MCF2L: variants seen among roughly 807,000 people sequenced by gnomAD.
MCF2L encodes guanine nucleotide exchange factor DBS.
A neutral mutation model predicts 153.4 loss-of-function variants in MCF2L; 97 were observed. The ratio of observed to expected loss-of-function variants is 0.63; its 90% CI spans 0.54 to 0.75. MCF2L has a LOEUF of 0.75. MCF2L is among the 30% of genes least tolerant of loss of function. MCF2L has a pLI of 0.00. For synonymous variants in MCF2L, 659 were observed against 632.2 expected (o/e 1.04, Z -0.64); for missense variants, 1,347 against 1,495.2 (o/e 0.90, Z 1.64).
chr13:113,086,109 C>T lies in MCF2L; in HGVS notation c.2248-15C>T. ...TCCGTGTCCCGACGCGGTTGCCTCA[C>T]CCCATGCCCCTCAGGAAATGCTGAA... On this transcript the variant is annotated splice_polypyrimidine_tract_variant and intron_variant, in intron 20 of 29. Coordinates refer to ENST00000535094, the MANE Select transcript of MCF2L (RefSeq NM_001112732.3). 6.2e-7 allele frequency: 1 copy of T among 1,601,864 alleles called. No individual in the cohort carries two copies. The highest frequency in any genetic ancestry group is 8.5e-7 in the Non-Finnish European group (1 of 1,174,018).
At chr13:113,006,471 G>A (rs1012817313) in intron 1 of MCF2L, among the ~76,000 whole-genome samples, 6 of 152,296 alleles carry the variant, frequency 3.9e-5, no homozygotes, top group Non-Finnish European at 8.8e-5. Context: ...TCTGAACCCC[G>A]AGGGGGTCTC....
At chr13:112,954,495 C>T (rs1167481221) in intron 2 of MCF2L, among the ~76,000 whole-genome samples, 1 of 152,242 alleles carries the variant, frequency 6.6e-6, no homozygotes, top group Non-Finnish European at 1.5e-5. Flanking sequence ...TTTAACTTCA[C>T]TATCCCTTGG....
At chr13:112,998,699 C>T (rs968463326) in intron 1 of MCF2L, among the ~76,000 whole-genome samples, 3 of 152,196 alleles carry the variant, frequency 2.0e-5, no homozygotes, top group Non-Finnish European at 4.4e-5. Context: ...TCGATTCTGT[C>T]TTGCGCCGAT....
chr13:113,078,281 G>A (rs990409559), intron 13 of MCF2L, 82 bp from the exon 14 acceptor site: 18 of 1,142,560 alleles, frequency 1.6e-5, no homozygotes, highest in East Asian at 7.4e-5. Flanking sequence ...CCCTCTCCTC[G>A]GGGCCTTTTC....
intron 2 of MCF2L, among the ~76,000 whole-genome samples, chr13:112,927,917 CA>C: frequency 6.6e-6 from 1 of 152,328 alleles, no homozygotes; most frequent in East Asian, 1.9e-4. Flanking sequence ...CAGGAAATAG[CA>C]GCCAATTGCA....
At chr13:112,925,688 G>A (rs1030334712) in intron 2 of MCF2L, among the ~76,000 whole-genome samples, 2 of 152,096 alleles carry the variant, frequency 1.3e-5, no homozygotes, top group Admixed American at 6.5e-5. Flanking sequence ...AGCCTCCTGG[G>A]GTACTAGAAA....
chr13:112,928,192 G>A (rs1227265901), intron 2 of MCF2L, among the ~76,000 whole-genome samples: 2 of 152,232 alleles, frequency 1.3e-5, no homozygotes, highest in East Asian at 1.9e-4. Flanking sequence ...GTGGGCAGCC[G>A]TTGCTGGGGA....
chr13:113,077,740 G>A (rs758510533), intron 13 of MCF2L, among the ~76,000 whole-genome samples: 10 of 152,166 alleles, frequency 6.6e-5, no homozygotes, highest in Non-Finnish European at 8.8e-5. Context: ...GCCAGGCACG[G>A]CGCCATTTCC....
In MCF2L at chr13:113,036,624, G is replaced by A. The variant is rs116967371; in HGVS notation, c.279-8647G>A. On this transcript the variant is annotated intron_variant, in intron 3 of 29. Transcript: ENST00000535094. ...CACCCACAGAAGGACGCGCTGTCCC[G>A]GCCCCGCATCCCCAGGAGTGCGTGT... is the stretch of plus-strand genomic sequence containing the variant. Among the ~76,000 whole-genome samples the A allele has an allele frequency of 1.5e-4, 23 of 152,344 alleles. No individual in the cohort carries two copies. The East Asian group carries it at 3.3e-3, about 22-fold the overall frequency.
chr13:113,074,941 A>G lies in MCF2L; in HGVS notation c.1117-57A>G, dbSNP rs1392518261. ...GGACACACATCCCGTACAGCAAGGC[A>G]CTGTGTGCCTCGAACAGAAAGAGGC... is the stretch of plus-strand genomic sequence containing the variant. On this transcript the variant is annotated intron_variant, in intron 10 of 29. Coordinates refer to ENST00000535094, the MANE Select transcript of MCF2L (RefSeq NM_001112732.3). This position sits in a 1 kb window ranked among gnomAD's most constrained non-coding sequence, Gnocchi z 4.2. 7 of 1,478,388 alleles carry G rather than the reference A, an allele frequency of 4.7e-6. No individual in the cohort carries two copies. The highest frequency in any genetic ancestry group is 5.5e-6 in the Non-Finnish European group (6 of 1,085,226). The allele number at this position is 1,478,388 out of a possible 1,614,324, so 91.6% of individuals were successfully genotyped here. A position where few individuals can be genotyped will look rare whatever the true frequency, so the allele number is the denominator to read the frequency against.
intron 2 of MCF2L, among the ~76,000 whole-genome samples, chr13:113,018,916 G>A (rs550677266): frequency 8.5e-5 from 13 of 152,298 alleles, no homozygotes; most frequent in Admixed American, 5.9e-4. Flanking sequence ...GGTCAGCGGT[G>A]GCCATCAGCC....
chr13:113,078,933 T>C (rs1005980403), intron 15 of MCF2L, among the ~76,000 whole-genome samples, 194 bp downstream of exon 15: 5 of 152,144 alleles, frequency 3.3e-5, no homozygotes, highest in African/African-American at 1.2e-4. Flanking sequence ...CCCCACCGCG[T>C]GAAGCACACA....
In MCF2L at chr13:113,087,778, C is replaced by A; in HGVS notation, c.2667C>A (p.Arg889=). The A allele has an allele frequency of 6.2e-7, 1 of 1,614,110 alleles. No individual in the cohort carries two copies. Among genetic ancestry groups the A allele is most frequent in the Non-Finnish European group, 8.5e-7 (1 of 1,180,024 alleles). The change falls in exon 23 of 30, where the codon CGC becomes CGA. Residue 889 remains arginine, a synonymous_variant. Transcript: ENST00000535094. ...AKKFEIWYNA[R]EEVYIVQAPT... ...AGTTCGAGATCTGGTACAACGCGCG[C>A]GAGGAGGTCTACATCGTCCAGGTGG...
chr13:112,965,339 A>G (rs186753854), upstream of MCF2L: 16 of 152,336 alleles, frequency 1.1e-4, no homozygotes, highest in African/African-American at 3.6e-4. Context: ...CCCAGGTGCC[A>G]TGTCACCTCC....
intron 16 of MCF2L, 127 bp downstream of exon 16, chr13:113,081,406 C>T (rs2034124120): frequency 4.2e-6 from 4 of 952,874 alleles, no homozygotes; most frequent in Admixed American, 5.0e-5. Flanking sequence ...AGAGCGCCCA[C>T]AGCAGCCTGG....
chr13:112,923,407 G>A (rs2081373222), intron 2 of MCF2L, among the ~76,000 whole-genome samples: 2 of 151,696 alleles, frequency 1.3e-5, no homozygotes, highest in Non-Finnish European at 2.9e-5. Context: ...GGGACTACAG[G>A]CGCCCGCCAC....
At chr13:113,018,013 G>A (rs1048821036) in intron 2 of MCF2L, among the ~76,000 whole-genome samples, 7 of 152,138 alleles carry the variant, frequency 4.6e-5, no homozygotes, top group Non-Finnish European at 7.3e-5. Context: ...GCTGTCTGCC[G>A]CGGAGCCATG....
At position 113,064,272 on chromosome 13, in the gene MCF2L, A is replaced by G. The variant is rs200063461; in HGVS notation, c.490-32A>G. On this transcript the variant is annotated intron_variant, in intron 5 of 29. Transcript: ENST00000535094. The surrounding 1 kb of genome is among the most constrained non-coding windows in gnomAD (Gnocchi z 6.0). Reference sequence around the variant, plus strand: ...TCTTTTGGGAGCCAACAATAATCCCAAACACTACCACGCATTCCCTTTCTC... The same window carrying G: ...TCTTTTGGGAGCCAACAATAATCCCGAACACTACCACGCATTCCCTTTCTC... The G allele has an allele frequency of 1.2e-5, 18 of 1,509,908 alleles. No homozygotes were observed. In the African/African-American group the frequency reaches 1.9e-4, roughly 16 times the overall value. The allele number at this position is 1,509,908 out of a possible 1,614,324, so 93.5% of individuals were successfully genotyped here.
intron 1 of MCF2L, among the ~76,000 whole-genome samples, chr13:112,895,555 G>C (rs77389417): frequency 1.3e-5 from 2 of 152,126 alleles, no homozygotes; most frequent in Non-Finnish European, 2.9e-5. Context: ...ACTGTGGAGC[G>C]AGGGGTCCAG....
Sources: allele counts gnomAD v4.1 joint callset (sites outside exome capture counted in the v4.1 genomes callset), GRCh38; gene constraint gnomAD v4.1.1; non-coding constraint Gnocchi (gnomAD v3.1); transcripts MANE v1.5; gene names NCBI Gene and HGNC (gene_info 2026-07-23, HGNC 2026-07-21).